The following MEI1 variants were observed in gnomAD, a reference collection of about 807,000 sequenced individuals.
The protein encoded by MEI1 is meiotic double-stranded break formation protein 1, also known as meiosis inhibitor protein 1.
Under a neutral mutation model 146.2 loss-of-function variants are expected in MEI1, and 103 were observed. That is an observed-to-expected ratio of 0.70 (90% CI 0.60 to 0.83). The LOEUF is 0.83. MEI1 is among the 40% of genes least tolerant of loss of function. The pLI, the probability that MEI1 is intolerant of heterozygous loss-of-function variation, is 0.00. For synonymous variants in MEI1, 652 were observed against 628.2 expected (o/e 1.04, Z -0.57); for missense variants, 1,529 against 1,533.0 (o/e 1.00, Z 0.04).
intron 11 of MEI1, among the ~76,000 whole-genome samples, chr22:41,735,727 G>A (rs906440999): frequency 2.0e-5 from 3 of 152,110 alleles, no homozygotes. Flanking sequence ...GTAAGGAGTA[G>A]CAGAGGTAAC....
intron 30 of MEI1, among the ~76,000 whole-genome samples, chr22:41,798,546 C>G (rs1328060680): frequency 6.6e-6 from 1 of 151,148 alleles, no homozygotes; most frequent in African/African-American, 2.4e-5. Flanking sequence ...CCACTGTACT[C>G]CAGCCTGGGC....
intron 15 of MEI1, among the ~76,000 whole-genome samples, chr22:41,751,786 A>AG (rs2073769795): frequency 6.9e-6 from 1 of 145,720 alleles, no homozygotes; most frequent in Non-Finnish European, 1.5e-5. Context: ...AAAAAAAAAA[A>AG]AAAGGCCAGG....
chr22:41,756,181 C>T (rs73426982), intron 17 of MEI1, among the ~76,000 whole-genome samples: 2,625 of 152,168 alleles, frequency 0.017, 75 homozygotes, highest in African/African-American at 0.059. Context: ...AGTCTGTTGC[C>T]CAGGCTGGAG....
chr22:41,738,211 T>C (rs2072548346), intron 11 of MEI1, among the ~76,000 whole-genome samples: 1 of 152,046 alleles, frequency 6.6e-6, no homozygotes. Flanking sequence ...TCCCAGCACT[T>C]TGGGAGTCCG....
chr22:41,704,024 C>T (rs565440752), intron 2 of MEI1, among the ~76,000 whole-genome samples: 7 of 152,138 alleles, frequency 4.6e-5, no homozygotes, highest in African/African-American at 9.7e-5. Context: ...CCAGTATACA[C>T]GGTCTTTGTA....
intron 30 of MEI1, among the ~76,000 whole-genome samples, chr22:41,798,577 CA>C (rs1190608536): frequency 2.1e-5 from 3 of 144,222 alleles, no homozygotes; most frequent in South Asian, 4.5e-4. Context: ...GACTCCGTCT[CA>C]AAAAAAAAGA....
chr22:41,754,131 T>G (rs2073947186), intron 17 of MEI1, 85 bp downstream of exon 17: 5 of 994,832 alleles, frequency 5.0e-6, no homozygotes, highest in Non-Finnish European at 8.0e-6. Flanking sequence ...GATAGTGAGT[T>G]AGTACAGCCA....
chr22:41,781,263 G>A (rs1212669616), intron 22 of MEI1, 21 bp from the exon 23 acceptor site: 6 of 1,582,678 alleles, frequency 3.8e-6, no homozygotes, highest in East Asian at 2.3e-5. Flanking sequence ...CAGGCCGACT[G>A]GGGACTTTCA....
At chr22:41,749,519 G>T (rs974489094) in intron 15 of MEI1, among the ~76,000 whole-genome samples, 13 of 151,882 alleles carry the variant, frequency 8.6e-5, no homozygotes, top group African/African-American at 1.9e-4. Flanking sequence ...AGGTGATCTG[G>T]CCACCTTGAC....
At chr22:41,703,905 G>C (rs2068893054) in intron 2 of MEI1, among the ~76,000 whole-genome samples, 1 of 152,174 alleles carries the variant, frequency 6.6e-6, no homozygotes, top group Non-Finnish European at 1.5e-5. Flanking sequence ...AGAATTGCTT[G>C]AACCCTGGAG....
chr22:41,778,595 G>A (rs1416794973), intron 21 of MEI1, 113 bp from the exon 22 acceptor site: 1 of 752,338 alleles, frequency 1.3e-6, no homozygotes, highest in Non-Finnish European at 2.2e-6. Context: ...CACCCCTTAG[G>A]AAACAAAAAA....
At chr22:41,749,788 G>T (rs2052826151) in intron 15 of MEI1, among the ~76,000 whole-genome samples, 3 of 152,070 alleles carry the variant, frequency 2.0e-5, no homozygotes, top group Admixed American at 2.0e-4. Context: ...TGGATGTAGG[G>T]CTTGAAAGAG....
chr22:41,792,621 G>A (rs1360697553), intron 26 of MEI1, among the ~76,000 whole-genome samples: 2 of 152,080 alleles, frequency 1.3e-5, no homozygotes, highest in Non-Finnish European at 2.9e-5. Flanking sequence ...AAGGGCTGTG[G>A]GCACTGGAGT....
intron 19 of MEI1, among the ~76,000 whole-genome samples, chr22:41,769,275 T>A (rs1164918536): frequency 2.0e-5 from 3 of 152,116 alleles, no homozygotes; most frequent in Non-Finnish European, 4.4e-5. Context: ...ACATTTATGG[T>A]CAATTTTTGA....
intron 7 of MEI1, among the ~76,000 whole-genome samples, chr22:41,727,236 G>A (rs568184246): frequency 1.3e-5 from 2 of 152,168 alleles, no homozygotes; most frequent in African/African-American, 4.8e-5. Flanking sequence ...CTTAAAAGCT[G>A]TAAAACCAGG....
At chr22:41,748,338 A>G (rs1163378280) in intron 15 of MEI1, 120 bp downstream of exon 15, 2 of 712,100 alleles carry the variant, frequency 2.8e-6, no homozygotes, top group African/African-American at 1.7e-5. Context: ...CAGAATCTGT[A>G]TCTATTCTTT....
chr22:41,792,099 T>A (rs2076201304), intron 26 of MEI1, among the ~76,000 whole-genome samples: 2 of 152,240 alleles, frequency 1.3e-5, no homozygotes, highest in African/African-American at 4.8e-5. Context: ...AAAAAACTAC[T>A]GAATTATATC....
chr22:41,763,404 G>A, intron 19 of MEI1, 83 bp downstream of exon 19: 2 of 1,483,252 alleles, frequency 1.3e-6, no homozygotes, highest in Non-Finnish European at 9.2e-7. Context: ...TGATGATAGT[G>A]TATAGACAAG....
chr22:41,751,343 T>C (rs944407523), intron 15 of MEI1, among the ~76,000 whole-genome samples: 9 of 152,164 alleles, frequency 5.9e-5, no homozygotes, highest in Non-Finnish European at 1.2e-4. Context: ...AAGTGGGAGC[T>C]TCTGATGTCG....
Sources: allele counts gnomAD v4.1 joint callset (sites outside exome capture counted in the v4.1 genomes callset), GRCh38; gene constraint gnomAD v4.1.1; transcripts MANE v1.5; gene names NCBI Gene and HGNC (gene_info 2026-07-23, HGNC 2026-07-21).